SLC12A8: variants seen among roughly 807,000 people sequenced by gnomAD.
SLC12A8 encodes cation-chloride cotransporter 9.
In SLC12A8, 69 loss-of-function variants were observed where a neutral mutation model predicts 75.6. The observed-to-expected ratio is 0.91, with a 90% CI of 0.75 to 1.11. SLC12A8 has a LOEUF of 1.11. Among genes scored for constraint, SLC12A8 ranks in the 50% most tolerant of loss-of-function variants. The probability of loss-of-function intolerance (pLI) is 0.00; values close to 1 mark genes in which losing one functional copy is unlikely to be tolerated. For synonymous variants in SLC12A8, 365 were observed against 372.8 expected, an observed-to-expected ratio of 0.98 and a Z score of 0.24; for missense variants, 877 against 896.7, an observed-to-expected ratio of 0.98 and a Z score of 0.28.
chr3:125,088,024 T>C (rs1272678553), intron 13 of SLC12A8: 2 of 417,660 alleles, frequency 4.8e-6, no homozygotes, highest in Non-Finnish European at 8.7e-6. Flanking sequence ...AGTAGTGACT[T>C]ATCACCCCAG....
In SLC12A8 at chr3:125,176,802, A is replaced by G. The variant is rs368110495; in HGVS notation, c.622+941T>C. Reference sequence around the variant, plus strand: ...ACCATCTCACACCAGTTAGAATGGCAATCATTAAAAAGTCAGGAAACAACA... The same window carrying G: ...ACCATCTCACACCAGTTAGAATGGCGATCATTAAAAAGTCAGGAAACAACA... On this transcript the variant is annotated intron_variant, in intron 5 of 13. Transcript: ENST00000469902. 1.7e-3 allele frequency among the ~76,000 whole-genome samples: 244 copies of G among 144,298 alleles called. 1 individual carries two copies. The highest frequency in any genetic ancestry group is 5.6e-3 in the African/African-American group (220 of 39,540). 94.7% of individuals were successfully genotyped at this position (144,298 alleles called of 152,430 possible).
chr3:125,108,802 G>A (rs1395712612), intron 9 of SLC12A8, among the ~76,000 whole-genome samples: 3 of 152,232 alleles, frequency 2.0e-5, no homozygotes, highest in Admixed American at 6.5e-5. Flanking sequence ...TTCCCAGGGA[G>A]AGGCAGATTG....
At position 125,156,084 on chromosome 3, in the gene SLC12A8, G is replaced by A. The variant is rs142679733; in HGVS notation, c.623-20302C>T. Among the ~76,000 whole-genome samples, 1,277 of 152,314 alleles carry A rather than the reference G, an allele frequency of 8.4e-3. 19 individuals are homozygous for A. Among genetic ancestry groups the A allele is most frequent in the African/African-American group, 0.029 (1,207 of 41,566 alleles). On this transcript the variant is annotated intron_variant, in intron 5 of 13. Transcript: ENST00000469902. ...CCCGGGCCAGGCAGAGACCCCAGCC[G>A]GCTGCCTCATCATGCTCTCACGGGG...
chr3:125,106,994 T>C (rs114296403), intron 10 of SLC12A8, among the ~76,000 whole-genome samples: 1 of 152,354 alleles, frequency 6.6e-6, no homozygotes, highest in African/African-American at 2.4e-5. Context: ...TCTCTGTGAG[T>C]GTCTCTGTGT....
At chr3:125,181,673 A>G (rs1934666229) in intron 4 of SLC12A8, among the ~76,000 whole-genome samples, 1 of 150,990 alleles carries the variant, frequency 6.6e-6, no homozygotes, top group Non-Finnish European at 1.5e-5. Context: ...AAAAATATCA[A>G]CATAAATAAA....
intron 2 of SLC12A8, among the ~76,000 whole-genome samples, chr3:125,191,206 GA>G (rs2107796622): frequency 6.6e-6 from 1 of 152,228 alleles, no homozygotes; most frequent in South Asian, 2.1e-4. Context: ...AGCATTACTG[GA>G]CAATTGTTTG....
intron 6 of SLC12A8, among the ~76,000 whole-genome samples, chr3:125,124,195 A>T (rs540135846): frequency 1.3e-5 from 2 of 152,334 alleles, no homozygotes; most frequent in South Asian, 4.1e-4. Context: ...ATTATATCAC[A>T]GACACAAAGA....
At chr3:125,090,266 G>T (rs1004643800) in intron 12 of SLC12A8, among the ~76,000 whole-genome samples, 19 of 151,954 alleles carry the variant, frequency 1.3e-4, no homozygotes, top group Non-Finnish European at 2.4e-4. Context: ...TCCCCCTCTG[G>T]TCAGAGAGCA....
At chr3:125,156,743 T>C (rs1184920907) in intron 5 of SLC12A8, among the ~76,000 whole-genome samples, 6 of 152,180 alleles carry the variant, frequency 3.9e-5, no homozygotes, top group Non-Finnish European at 8.8e-5. Flanking sequence ...CCAGGCTGTG[T>C]CTTCTCTAGA....
At chr3:125,087,990 GTCT>G (rs971626617) in intron 13 of SLC12A8, 1 of 339,994 alleles carries the variant, frequency 2.9e-6, no homozygotes, top group Non-Finnish European at 5.5e-6. Flanking sequence ...ATGTGAATGT[GTCT>G]TAGACTGTAA....
intron 5 of SLC12A8, among the ~76,000 whole-genome samples, chr3:125,163,454 A>G (rs932980151): frequency 6.6e-6 from 1 of 150,678 alleles, no homozygotes; most frequent in Non-Finnish European, 1.5e-5. Flanking sequence ...AAAAAAAAAT[A>G]GAAAAAATTA....
chr3:125,089,394 G>C (rs923949955), intron 12 of SLC12A8, among the ~76,000 whole-genome samples: 1 of 152,062 alleles, frequency 6.6e-6, no homozygotes, highest in African/African-American at 2.4e-5. Flanking sequence ...ATTTTAGATG[G>C]ACATTGGCCT....
At chr3:125,181,075 G>A (rs918289550) in intron 4 of SLC12A8, among the ~76,000 whole-genome samples, 1 of 152,096 alleles carries the variant, frequency 6.6e-6, no homozygotes, top group East Asian at 1.9e-4. Flanking sequence ...ACTTCTGAGG[G>A]TAGACTGTCA....
chr3:125,110,415 C>T (rs987597620), intron 8 of SLC12A8, 80 bp from the exon 9 acceptor site: 2 of 1,415,208 alleles, frequency 1.4e-6, no homozygotes, highest in African/African-American at 1.4e-5. Context: ...CACCCACCTG[C>T]ACCCCATGCA....
intron 10 of SLC12A8, among the ~76,000 whole-genome samples, chr3:125,096,617 G>A (rs628788): frequency 0.44 from 66,634 of 151,948 alleles, 15,159 homozygotes; most frequent in Middle Eastern, 0.63. Flanking sequence ...TACCTTCAGG[G>A]ATAAGGACCC....
intron 5 of SLC12A8, among the ~76,000 whole-genome samples, chr3:125,176,899 T>C (rs1450744900): frequency 6.6e-6 from 1 of 151,564 alleles, no homozygotes; most frequent in African/African-American, 2.4e-5. Context: ...AGTTCAACCA[T>C]TGTGGAAGTC....
chr3:125,108,450 C>T lies in SLC12A8; in HGVS notation c.1060-324G>A, dbSNP rs550859004. Among the ~76,000 whole-genome samples, 130 of 152,048 alleles carry T rather than the reference C, an allele frequency of 8.5e-4. 1 individual carries two copies. The South Asian group carries it at 0.014, about 17-fold the overall frequency. On this transcript the variant is annotated intron_variant, in intron 9 of 13. Coordinates refer to ENST00000469902, the MANE Select transcript of SLC12A8 (RefSeq NM_024628.6). Reference sequence around the variant, plus strand: ...GTGATGTGATCTCAGCTCATTGCAACCTCCGCCTCTTGGGCTTAAGCCATC... The same window carrying T: ...GTGATGTGATCTCAGCTCATTGCAATCTCCGCCTCTTGGGCTTAAGCCATC...
chr3:125,091,365 T>C (rs1267307388), intron 12 of SLC12A8, 74 bp downstream of exon 12: 2 of 967,770 alleles, frequency 2.1e-6, no homozygotes, highest in Non-Finnish European at 3.4e-6. Flanking sequence ...TCAATTGATA[T>C]TCAAAATCTT....
chr3:125,113,815 C>T (rs1337970594), intron 8 of SLC12A8, among the ~76,000 whole-genome samples: 1 of 151,948 alleles, frequency 6.6e-6, no homozygotes, highest in African/African-American at 2.4e-5. Context: ...AAAATAATTA[C>T]TTCCATCTCT....
Sources: gnomAD v4.1 joint callset for allele counts (sites outside exome capture counted in the v4.1 genomes callset) on GRCh38, gnomAD v4.1.1 for gene constraint, MANE v1.5 for transcripts, NCBI Gene and HGNC (gene_info 2026-07-23, HGNC 2026-07-21) for gene names.